The following RAI2 variants were observed in gnomAD, a reference collection of about 807,000 sequenced individuals.
RAI2 encodes retinoic acid induced 2.
RAI2 carries 5 observed loss-of-function variants against 15.3 expected under a neutral mutation model. The ratio of observed to expected loss-of-function variants is 0.33; its 90% CI spans 0.17 to 0.69. The LOEUF is 0.69. Ranked by LOEUF, RAI2 falls within the 30% of genes least tolerant of loss-of-function variation. The pLI, the probability that RAI2 is intolerant of heterozygous loss-of-function variation, is 0.69. For missense variants in RAI2, 424 were observed against 424.7 expected, an observed-to-expected ratio of 1.00 and a Z score of 0.01; for synonymous variants, 191 against 184.0, an observed-to-expected ratio of 1.04 and a Z score of -0.31.
chrX:17,821,637 G>C (rs2067166180), intron 1 of RAI2, among the ~76,000 whole-genome samples: 1 of 111,084 alleles, frequency 9.0e-6, no homozygotes, highest in Non-Finnish European at 1.9e-5. Flanking sequence ...ACAAATTTCA[G>C]AGTGGTAGGA....
At chrX:17,860,101 C>A (rs2067668446) in intron 1 of RAI2, among the ~76,000 whole-genome samples, 1 of 111,461 alleles carries the variant, frequency 9.0e-6, no homozygotes, top group Non-Finnish European at 1.9e-5. Flanking sequence ...CCACCTTCTT[C>A]TTCCGTGCCC....
intron 1 of RAI2, among the ~76,000 whole-genome samples, chrX:17,839,972 G>A (rs1467195743): frequency 8.9e-6 from 1 of 112,539 alleles, no homozygotes; most frequent in East Asian, 2.8e-4. Flanking sequence ...TTTTTGTTGA[G>A]TGAGCATGTG....
intron 1 of RAI2, among the ~76,000 whole-genome samples, chrX:17,847,485 T>C (rs1245548408): frequency 1.8e-5 from 2 of 113,394 alleles, no homozygotes; most frequent in South Asian, 7.1e-4. Context: ...CCACCTTTTC[T>C]GCTCATCACT....
intron 1 of RAI2, among the ~76,000 whole-genome samples, chrX:17,852,633 G>C (rs1442804636): frequency 8.9e-6 from 1 of 112,011 alleles, no homozygotes; most frequent in Non-Finnish European, 1.9e-5. Flanking sequence ...CCTTGTGTAA[G>C]GCATGACCCT....
chrX:17,810,144 T>C (rs1431511543), intron 1 of RAI2, among the ~76,000 whole-genome samples: 2 of 110,975 alleles, frequency 1.8e-5, no homozygotes, highest in Non-Finnish European at 3.8e-5. Flanking sequence ...TCACACAGCA[T>C]AGAGTACACT....
chrX:17,813,792 G>A (rs941174899), intron 1 of RAI2, among the ~76,000 whole-genome samples: 5 of 111,785 alleles, frequency 4.5e-5, no homozygotes, highest in African/African-American at 1.6e-4. Flanking sequence ...CTCCTGAAAC[G>A]CTGGTTTCTG....
intron 1 of RAI2, among the ~76,000 whole-genome samples, chrX:17,816,464 T>C (rs1410510712): frequency 2.7e-5 from 3 of 111,890 alleles, no homozygotes; most frequent in Non-Finnish European, 5.6e-5. Flanking sequence ...AAGGAAGAAG[T>C]AGAGATGTCT....
chrX:17,823,482 T>C (rs1271219296), intron 1 of RAI2, among the ~76,000 whole-genome samples: 1 of 111,948 alleles, frequency 8.9e-6, no homozygotes, highest in African/African-American at 3.3e-5. Flanking sequence ...TGGCCTCCCA[T>C]GGCCCACAGT....
At chrX:17,827,216 A>T (rs1477228745) in intron 1 of RAI2, among the ~76,000 whole-genome samples, 1 of 111,762 alleles carries the variant, frequency 8.9e-6, no homozygotes, top group Non-Finnish European at 1.9e-5. Flanking sequence ...AGCAGCCCTT[A>T]GTGCAGAGAG....
At chrX:17,823,628 C>T (rs1337812309) in intron 1 of RAI2, among the ~76,000 whole-genome samples, 4 of 111,753 alleles carry the variant, frequency 3.6e-5, no homozygotes, top group Non-Finnish European at 7.5e-5. Flanking sequence ...TGGAGAGGGA[C>T]AATCAACTCT....
intron 1 of RAI2, among the ~76,000 whole-genome samples, chrX:17,859,915 T>G (rs1226905575): frequency 8.9e-6 from 1 of 112,682 alleles, no homozygotes; most frequent in Non-Finnish European, 1.9e-5. Context: ...CTCCTGCCTT[T>G]TTCATTGATT....
At chrX:17,805,319 TAA>T (rs1405726532) in intron 1 of RAI2, among the ~76,000 whole-genome samples, 1 of 112,908 alleles carries the variant, frequency 8.9e-6, no homozygotes, top group Non-Finnish European at 1.9e-5. Context: ...TCCTTCCCAG[TAA>T]AGTCATTGAA....
intron 1 of RAI2, among the ~76,000 whole-genome samples, chrX:17,848,078 G>C (rs2067484493): frequency 8.9e-6 from 1 of 111,965 alleles, no homozygotes; most frequent in South Asian, 3.7e-4. Flanking sequence ...TTTGGAAACA[G>C]ACAAACTGAG....
chrX:17,842,032 C>G (rs775562501), intron 1 of RAI2, among the ~76,000 whole-genome samples: 21 of 112,065 alleles, frequency 1.9e-4, no homozygotes, highest in African/African-American at 6.2e-4. Flanking sequence ...GACGTTGGAT[C>G]TCTCCTGTGT....
At chrX:17,846,752 C>T (rs886121294) in intron 1 of RAI2, among the ~76,000 whole-genome samples, 2 of 111,656 alleles carry the variant, frequency 1.8e-5, no homozygotes, top group Admixed American at 1.9e-4. Flanking sequence ...TCCTGACCCA[C>T]CAGGGGGCCC....
intron 1 of RAI2, among the ~76,000 whole-genome samples, chrX:17,857,426 A>G (rs191389855): frequency 8.1e-5 from 9 of 111,747 alleles, no homozygotes; most frequent in African/African-American, 2.0e-4. Flanking sequence ...TCATTTTCCT[A>G]TAGAGTGTTT....
intron 1 of RAI2, among the ~76,000 whole-genome samples, chrX:17,839,771 T>C (rs756419797): frequency 7.1e-5 from 8 of 112,602 alleles, no homozygotes; most frequent in Non-Finnish European, 1.5e-4. Flanking sequence ...TGAGAGGGAA[T>C]TGGCTTAGTT....
rs778147102 is a variant in RAI2 at position 17,801,893 on chromosome X, T to C, written c.118A>G (p.Ile40Val). The C allele has an allele frequency of 5.8e-6, 7 of 1,210,918 alleles. No homozygotes were observed. Among genetic ancestry groups the C allele is most frequent in the Non-Finnish European group, 7.8e-6 (7 of 895,296 alleles). ...TTCTTTACCAGGTCAGTGGAGTTGA[T>C]GTTCCAGGCCTCGGTGGTGATCAGC... Reference protein sequence around the residue: ...AQLITTEAWNINSTDLVKKAL... With the variant: ...AQLITTEAWNVNSTDLVKKAL... The change falls in exon 2 of 2, where the codon ATC (isoleucine) becomes GTC (valine). Residue 40 changes from isoleucine to valine, a missense_variant. Physicochemically the swap from Ile to Val is conservative, Grantham distance 29. Transcript: ENST00000451717.
chrX:17,848,727 A>C (rs2067492993), intron 1 of RAI2, among the ~76,000 whole-genome samples: 1 of 111,549 alleles, frequency 9.0e-6, no homozygotes, highest in African/African-American at 3.3e-5. Context: ...GGGGTGGGGG[A>C]AAACCCAGCT....
Sources: allele counts gnomAD v4.1 joint callset (sites outside exome capture counted in the v4.1 genomes callset), GRCh38; gene constraint gnomAD v4.1.1; transcripts MANE v1.5; gene names NCBI Gene and HGNC (gene_info 2026-07-23, HGNC 2026-07-21).